The following SETDB2 variants were observed in gnomAD, a reference collection of about 807,000 sequenced individuals.
The protein encoded by SETDB2 is histone-lysine N-methyltransferase SETDB2.
Under a neutral mutation model 82.5 loss-of-function variants are expected in SETDB2, and 56 were observed. The ratio of observed to expected loss-of-function variants is 0.68; its 90% confidence interval spans 0.55 to 0.85. The LOEUF (loss-of-function observed/expected upper bound fraction) is 0.85, where lower values mean the gene tolerates loss of function less well. Among genes scored for constraint, SETDB2 ranks in the 40% least tolerant of loss-of-function variants. The pLI is 0.00. For missense variants in SETDB2, 677 were observed against 816.4 expected, an observed-to-expected ratio of 0.83 and a Z score of 2.08; for synonymous variants, 272 against 284.9, an observed-to-expected ratio of 0.95 and a Z score of 0.46.
At chr13:49,466,338 A>G (rs1958113278) in intron 4 of SETDB2, among the ~76,000 whole-genome samples, 1 of 151,948 alleles carries the variant, frequency 6.6e-6, no homozygotes, top group Non-Finnish European at 1.5e-5. Context: ...TGGAGGCTGA[A>G]GTGGAAGGGT....
chr13:49,446,096 G>A (rs1001401988), intron 1 of SETDB2: 2 of 282,864 alleles, frequency 7.1e-6, no homozygotes, highest in Non-Finnish European at 1.4e-5. Flanking sequence ...GTGCTTAGGT[G>A]GAAGTATAAA....
At chr13:49,481,783 G>C (rs998697811) in intron 8 of SETDB2, among the ~76,000 whole-genome samples, 2 of 152,106 alleles carry the variant, frequency 1.3e-5, no homozygotes, top group African/African-American at 4.8e-5. Context: ...CCTTCTGTGA[G>C]AAAGTTTGGG....
chr13:49,487,787 A>G (rs1210329501), intron 11 of SETDB2, among the ~76,000 whole-genome samples: 3 of 152,258 alleles, frequency 2.0e-5, no homozygotes, highest in Admixed American at 6.5e-5. Context: ...AAACACTAAT[A>G]TGTGCAAAAC....
chr13:49,479,843 C>CA (rs1353884089), intron 6 of SETDB2, among the ~76,000 whole-genome samples: 1 of 152,150 alleles, frequency 6.6e-6, no homozygotes, highest in African/African-American at 2.4e-5. Flanking sequence ...AAGACATCTG[C>CA]AAAACTATGT....
At chr13:49,447,984 A>C (rs911246721) in intron 1 of SETDB2, among the ~76,000 whole-genome samples, 5 of 152,004 alleles carry the variant, frequency 3.3e-5, no homozygotes, top group African/African-American at 1.2e-4. Flanking sequence ...GCAGTGAAAA[A>C]AATTTCATAT....
chr13:49,476,159 C>A (rs570155005), intron 5 of SETDB2, among the ~76,000 whole-genome samples: 1 of 152,068 alleles, frequency 6.6e-6, no homozygotes, highest in Non-Finnish European at 1.5e-5. Context: ...AGACCTGGTG[C>A]GTGCCTATAC....
Position 49,476,930 on chromosome 13 carries a change from C to T in SETDB2, c.760C>T (p.Leu254Phe). 6.2e-7 allele frequency: 1 copy of T among 1,614,136 alleles called. No individual in the cohort carries two copies. Among genetic ancestry groups the T allele is most frequent in the South Asian group, 1.1e-5 (1 of 91,082 alleles). Reference protein sequence around the residue: ...SFCNEIDSRKLPQFKYRKTVW... With the variant: ...SFCNEIDSRKFPQFKYRKTVW... ...CTGTAATGAAATTGACAGTAGAAAGCTCCCACAGTTTAAGTACAGAAAGAC... is the reference window on the plus strand; with the variant it reads ...CTGTAATGAAATTGACAGTAGAAAGTTCCCACAGTTTAAGTACAGAAAGAC... The change falls in exon 6 of 14, where the codon CTC (leucine) becomes TTC (phenylalanine). Residue 254 changes from leucine (L) to phenylalanine (F), a missense_variant. Around this residue, in one of 3 missense-constraint regions of SETDB2, gnomAD observed 420 missense variants for 554.6 expected, o/e 0.76. Coordinates refer to ENST00000611815, the MANE Select transcript of SETDB2 (RefSeq NM_001160308.3).
In SETDB2 at chr13:49,482,879, A is replaced by G. The variant is rs1958507250; in HGVS notation, c.1299A>G (p.Pro433=). 1.2e-6 allele frequency: 2 copies of G among 1,613,526 alleles called. No homozygotes were observed. Among genetic ancestry groups the G allele is most frequent in the Non-Finnish European group, 1.7e-6 (2 of 1,179,736 alleles). The change falls in exon 9 of 14, where the codon CCA becomes CCG. Residue 433 remains proline, a synonymous_variant. Coordinates refer to ENST00000611815, the MANE Select transcript of SETDB2 (RefSeq NM_001160308.3). The part of the protein sequence containing the change: ...ACSDCEVEVL[P]LGLETHPRTA... Reference sequence around the variant, plus strand: ...CAGATTGTGAAGTTGAAGTTCTCCCATTAGGATTGGAAACACATCCTAGAA... The same window carrying G: ...CAGATTGTGAAGTTGAAGTTCTCCCGTTAGGATTGGAAACACATCCTAGAA...
chr13:49,463,961 C>T lies in SETDB2; in HGVS notation c.208+2799C>T. 4 of 712,464 alleles carry T rather than the reference C, an allele frequency of 5.6e-6. No homozygotes were observed. The South Asian group carries it at 5.9e-5, about 11-fold the overall frequency. 44.1% of individuals were successfully genotyped at this position (712,464 alleles called of 1,614,324 possible). A position where few individuals can be genotyped will look rare whatever the true frequency, so the allele number is the denominator to read the frequency against. On this transcript the variant is annotated intron_variant, in intron 4 of 13. Coordinates refer to ENST00000611815, the MANE Select transcript of SETDB2 (RefSeq NM_001160308.3). ...GCCTCTGGGATAAGTCATCCTAATA[C>T]AGGAAAGCTTATTTCTCTTTTTAAT...
intron 8 of SETDB2, among the ~76,000 whole-genome samples, chr13:49,481,432 A>C (rs898836245): frequency 1.2e-4 from 18 of 151,334 alleles, no homozygotes; most frequent in Admixed American, 3.3e-4. Flanking sequence ...AAACTTGTTA[A>C]AAGTAAAAAA....
At position 49,488,627 on chromosome 13, in the gene SETDB2, T is replaced by A; in HGVS notation, c.1914T>A (p.Leu638=). Residue 638 remains leucine (L), a synonymous_variant, in exon 12 of 14, where the codon CTT becomes CTA. Transcript: ENST00000611815. ...ATKEGNVGRF[L]NHSCCPNLLV... The stretch of plus-strand genomic sequence containing the variant: ...AAGAAGGAAATGTCGGCCGCTTCCT[T>A]AATGTGAGTATAAGGGCTGAGATTC... The A allele has an allele frequency of 3.8e-6, 6 of 1,585,522 alleles. No homozygotes were observed. The highest frequency in any genetic ancestry group is 5.1e-6 in the Non-Finnish European group (6 of 1,167,578).
chr13:49,488,724 C>T (rs1958643349), intron 12 of SETDB2, 94 bp downstream of exon 12: 2 of 1,028,090 alleles, frequency 1.9e-6, no homozygotes, highest in Admixed American at 2.8e-5. Context: ...ACTCTAAAGT[C>T]AGACCATCTG....
chr13:49,491,002 C>CA, intron 13 of SETDB2, 92 bp downstream of exon 13: 1 of 1,041,196 alleles, frequency 9.6e-7, no homozygotes, highest in African/African-American at 1.6e-5. Flanking sequence ...CCTGTAATCC[C>CA]AGCACTTTGG....
At chr13:49,485,910 T>TG in intron 11 of SETDB2, 187 bp downstream of exon 11, 1 of 724,488 alleles carries the variant, frequency 1.4e-6, no homozygotes, top group South Asian at 1.5e-5. Context: ...CTCTACCTGT[T>TG]CAGTATGGCA....
Position 49,483,575 on chromosome 13 carries a change from A to G in SETDB2, c.1482+12A>G. On this transcript the variant is annotated intron_variant, in intron 10 of 13. Transcript: ENST00000611815. ...ATGGGAAAAAAATGGTAAAAAATGC[A>G]AAATGTAGTTGGGACCCTTCTTTTC... 8.3e-7 allele frequency: 1 copy of G among 1,208,122 alleles called. No individual in the cohort carries two copies. The highest frequency in any genetic ancestry group is 1.2e-6 in the Non-Finnish European group (1 of 855,986). 74.8% of individuals were successfully genotyped at this position (1,208,122 alleles called of 1,614,324 possible).
chr13:49,450,657 G>T (rs954405731), intron 1 of SETDB2, among the ~76,000 whole-genome samples: 1 of 152,034 alleles, frequency 6.6e-6, no homozygotes, highest in Non-Finnish European at 1.5e-5. Flanking sequence ...TTGGCCCTTA[G>T]AGAGTTCCCT....
intron 1 of SETDB2, among the ~76,000 whole-genome samples, chr13:49,450,430 CT>C (rs562714401): frequency 5.3e-5 from 8 of 152,104 alleles, no homozygotes; most frequent in African/African-American, 7.2e-5. Context: ...AGCTAACTGG[CT>C]TTTTTTCAAA....
intron 9 of SETDB2, 41 bp downstream of exon 9, chr13:49,483,003 T>C (rs1031269536): frequency 2.5e-6 from 3 of 1,195,516 alleles, no homozygotes; most frequent in Non-Finnish European, 2.4e-6. Flanking sequence ...TCTAAATTAT[T>C]ATCAATCAAT....
chr13:49,466,824 TTTTTTTTCTGTCGTAGAGACAG>T (rs1302012173), intron 4 of SETDB2, among the ~76,000 whole-genome samples: 6 of 149,306 alleles, frequency 4.0e-5, no homozygotes, highest in African/African-American at 1.2e-4. Context: ...TTTTTTTTTT[TTTTTTTTCTGTCGTAGAGACAG>T]GGCCTTGTTC....
Sources: gnomAD v4.1 joint callset for allele counts (sites outside exome capture counted in the v4.1 genomes callset) on GRCh38, gnomAD v4.1.1 for gene constraint, gnomAD v4.1.1 regional missense constraint, MANE v1.5 for transcripts, NCBI Gene and HGNC (gene_info 2026-07-23, HGNC 2026-07-21) for gene names.